The following RFTN1 variants were observed in gnomAD, a reference collection of about 807,000 sequenced individuals.
The protein encoded by RFTN1 is raftlin, lipid raft linker 1.
Under a neutral mutation model 46.5 loss-of-function variants are expected in RFTN1, and 26 were observed. The ratio of observed to expected loss-of-function variants is 0.56; its 90% confidence interval spans 0.41 to 0.78. RFTN1 has a LOEUF of 0.78. RFTN1 is among the 30% of genes least tolerant of loss of function. RFTN1 has a pLI of 0.00. For missense variants in RFTN1, 693 were observed against 718.7 expected, an observed-to-expected ratio of 0.96 and a Z score of 0.41; for synonymous variants, 261 against 284.2, an observed-to-expected ratio of 0.92 and a Z score of 0.82.
intron 6 of RFTN1, among the ~76,000 whole-genome samples, chr3:16,363,550 A>G (rs984166540): frequency 1.3e-5 from 2 of 152,272 alleles, no homozygotes; most frequent in African/African-American, 2.4e-5. Context: ...CTGTGAGGCA[A>G]CCACTCTTCT....
Position 16,377,741 on chromosome 3 carries a change from A to T in RFTN1, c.803T>A (p.Val268Glu). 8.1e-6 allele frequency: 13 copies of T among 1,597,488 alleles called. No homozygotes were observed. Among genetic ancestry groups the T allele is most frequent in the Non-Finnish European group, 1.1e-5 (13 of 1,166,910 alleles). The change falls in exon 5 of 10, where the codon GTG (valine) becomes GAG (glutamate). Residue 268 changes from valine to glutamate, a missense_variant. By Grantham distance (121) the Val-to-Glu change is moderately radical (BLOSUM62 -2). Transcript: ENST00000334133. ...LDGPESNPLE[V>E]HEEPLSGKME... ...ACTCCCTGAGAGTGGCTCTTCATGC[A>T]CCTCCAAGGGGTTGCTCTCCGGTCC...
chr3:16,363,157 T>C (rs1319371446), intron 6 of RFTN1, among the ~76,000 whole-genome samples: 1 of 152,218 alleles, frequency 6.6e-6, no homozygotes, highest in Non-Finnish European at 1.5e-5. Flanking sequence ...AAAAAGTCAA[T>C]GAACCAGAGA....
At position 16,452,313 on chromosome 3, in the gene RFTN1, T is replaced by C. The variant is rs1455280793; in HGVS notation, c.146-18276A>G. Among the ~76,000 whole-genome samples, 1 of 151,646 alleles carries C rather than the reference T, an allele frequency of 6.6e-6. No individual in the cohort carries two copies. The highest frequency in any genetic ancestry group is 1.5e-5 in the Non-Finnish European group (1 of 68,020). On this transcript the variant is annotated intron_variant, in intron 2 of 9. Transcript: ENST00000334133. This position sits in a 1 kb window ranked among gnomAD's most constrained non-coding sequence, Gnocchi z 6.3. Reference sequence around the variant, plus strand: ...CTGTCAAGGTAGATGAAGGTAAGGATATAATAGAAGGCGAAGGGAAAAGTA... The same window carrying C: ...CTGTCAAGGTAGATGAAGGTAAGGACATAATAGAAGGCGAAGGGAAAAGTA...
chr3:16,482,609 A>T, intron 2 of RFTN1: 1 of 790,088 alleles, frequency 1.3e-6, no homozygotes. Context: ...CCACGGGCAC[A>T]TTAGGTAACC....
At chr3:16,324,338 T>C (rs1268024264) in intron 8 of RFTN1, among the ~76,000 whole-genome samples, 7 of 152,320 alleles carry the variant, frequency 4.6e-5, no homozygotes, top group Non-Finnish European at 7.3e-5. Flanking sequence ...CAAGGCATTA[T>C]TGTTTATAAT....
rs1186236024 is a variant in RFTN1 at position 16,402,060 on chromosome 3, C to A, written c.441+7315G>T. ...GCCTTCTGGAATGTTCCCTGAGTGT[C>A]CCCCTGACCCCTCAAGTCTTCATAC... On this transcript the variant is annotated intron_variant, in intron 4 of 9. Transcript: ENST00000334133. The surrounding 1 kb of genome is among the most constrained non-coding windows in gnomAD (Gnocchi z 4.5). Among the ~76,000 whole-genome samples, 1 of 152,108 alleles carries A rather than the reference C, an allele frequency of 6.6e-6. No homozygotes were observed. Among genetic ancestry groups the A allele is most frequent in the Admixed American group, 6.5e-5 (1 of 15,268 alleles).
chr3:16,511,960 C>T (rs1006955223), intron 1 of RFTN1, among the ~76,000 whole-genome samples: 2 of 152,062 alleles, frequency 1.3e-5, no homozygotes, highest in African/African-American at 4.8e-5. Flanking sequence ...CAGAGGATGA[C>T]GTGCCAGCTC....
In RFTN1 at chr3:16,338,956, T is replaced by C. The variant is rs1223827502; in HGVS notation, c.1147-12080A>G. On this transcript the variant is annotated intron_variant, in intron 7 of 9. Coordinates refer to ENST00000334133, the MANE Select transcript of RFTN1 (RefSeq NM_015150.2). This position sits in a 1 kb window ranked among gnomAD's most constrained non-coding sequence, Gnocchi z 5.3. ...ATTCCTAACAGCTTACTGATAATCA[T>C]AAAATGCAAACCCAGAAGAGGTCTC... is the stretch of plus-strand genomic sequence containing the variant. Among the ~76,000 whole-genome samples the C allele has an allele frequency of 1.3e-5, 2 of 152,156 alleles. No individual in the cohort carries two copies. Among genetic ancestry groups the C allele is most frequent in the African/African-American group, 4.8e-5 (2 of 41,440 alleles).
chr3:16,477,793 C>T (rs2076306206), intron 2 of RFTN1, among the ~76,000 whole-genome samples: 1 of 152,238 alleles, frequency 6.6e-6, no homozygotes, highest in Non-Finnish European at 1.5e-5. Context: ...TGTCACAAAT[C>T]TTGACTTTCA....
At position 16,446,691 on chromosome 3, in the gene RFTN1, T is replaced by G. The variant is rs943215961; in HGVS notation, c.146-12654A>C. The stretch of plus-strand genomic sequence containing the variant: ...AAGACCATGGTTGTATACAAGACAG[T>G]GACTGGAAATCTCAACTCCAAACAG... On this transcript the variant is annotated intron_variant, in intron 2 of 9. Coordinates refer to ENST00000334133, the MANE Select transcript of RFTN1 (RefSeq NM_015150.2). The surrounding 1 kb of genome is among the most constrained non-coding windows in gnomAD (Gnocchi z 4.5). Among the ~76,000 whole-genome samples the G allele has an allele frequency of 6.6e-6, 1 of 152,176 alleles. No individual in the cohort carries two copies. Among genetic ancestry groups the G allele is most frequent in the Non-Finnish European group, 1.5e-5 (1 of 68,034 alleles).
In RFTN1 at chr3:16,433,761, A is replaced by G; in HGVS notation, c.332+90T>C. 2.2e-6 allele frequency: 3 copies of G among 1,391,998 alleles called. No individual in the cohort carries two copies. Among genetic ancestry groups the G allele is most frequent in the East Asian group, 2.3e-5 (1 of 43,796 alleles). The allele number at this position is 1,391,998 out of a possible 1,614,324, so 86.2% of individuals were successfully genotyped here. A position where few individuals can be genotyped will look rare whatever the true frequency, so the allele number is the denominator to read the frequency against. ...CCCTGAGGACAGCATGCAAATTTCA[A>G]CCCCCAACCCCATCCTCTCACTTCC... On this transcript the variant is annotated intron_variant, in intron 3 of 9. Coordinates refer to ENST00000334133, the MANE Select transcript of RFTN1 (RefSeq NM_015150.2). The surrounding 1 kb of genome is among the most constrained non-coding windows in gnomAD (Gnocchi z 4.4).
At chr3:16,362,586 G>A (rs1052297819) in intron 6 of RFTN1, among the ~76,000 whole-genome samples, 1 of 152,094 alleles carries the variant, frequency 6.6e-6, no homozygotes, top group African/African-American at 2.4e-5. Context: ...GCATGCTTGA[G>A]ACCAGAAGAC....
At chr3:16,364,020 C>T (rs1269099802) in intron 6 of RFTN1, among the ~76,000 whole-genome samples, 1 of 152,236 alleles carries the variant, frequency 6.6e-6, no homozygotes, top group Non-Finnish European at 1.5e-5. Flanking sequence ...GCTCTATTAA[C>T]CAAAGAATGA....
chr3:16,504,496 G>A lies in RFTN1; in HGVS notation c.-9+8946C>T, dbSNP rs1433447870. ...GTGCCTCAAGCTAGTAGTTAGCGTGGTATCTGACAGATGTTAAGTATTGCT... is the reference window on the plus strand; with the variant it reads ...GTGCCTCAAGCTAGTAGTTAGCGTGATATCTGACAGATGTTAAGTATTGCT... On this transcript the variant is annotated intron_variant, in intron 1 of 9. Coordinates refer to ENST00000334133, the MANE Select transcript of RFTN1 (RefSeq NM_015150.2). This position sits in a 1 kb window ranked among gnomAD's most constrained non-coding sequence, Gnocchi z 4.4. Among the ~76,000 whole-genome samples, 1 of 152,200 alleles carries A rather than the reference G, an allele frequency of 6.6e-6. No homozygotes were observed. Among genetic ancestry groups the A allele is most frequent in the African/African-American group, 2.4e-5 (1 of 41,446 alleles).
chr3:16,321,539 G>A lies in RFTN1; in HGVS notation c.1332+1837C>T, dbSNP rs1468481552. 2.0e-5 allele frequency among the ~76,000 whole-genome samples: 3 copies of A among 152,152 alleles called. No homozygotes were observed. Among genetic ancestry groups the A allele is most frequent in the Non-Finnish European group, 2.9e-5 (2 of 68,016 alleles). ...TGACCCTTGTCAGCTGAGGAGTGAG[G>A]AGGGGACACCCAGTGCAGAAGATTC... is the stretch of plus-strand genomic sequence containing the variant. On this transcript the variant is annotated intron_variant, in intron 9 of 9. Transcript: ENST00000334133. This position sits in a 1 kb window ranked among gnomAD's most constrained non-coding sequence, Gnocchi z 4.8.
chr3:16,357,133 A>C (rs150510897), intron 7 of RFTN1, among the ~76,000 whole-genome samples: 2,914 of 139,492 alleles, frequency 0.021, 93 homozygotes, highest in African/African-American at 0.08. Context: ...AAAAAACAAA[A>C]AAACAAACAA....
intron 5 of RFTN1, among the ~76,000 whole-genome samples, chr3:16,371,222 T>G (rs2073484866): frequency 1.3e-5 from 2 of 152,218 alleles, no homozygotes; most frequent in African/African-American, 4.8e-5. Flanking sequence ...AGCAAGAATT[T>G]AAAGGTCATA....
Position 16,337,656 on chromosome 3 carries a change from C to T in RFTN1, c.1147-10780G>A, listed in dbSNP as rs756908335. On this transcript the variant is annotated intron_variant, in intron 7 of 9. Coordinates refer to ENST00000334133, the MANE Select transcript of RFTN1 (RefSeq NM_015150.2). This position sits in a 1 kb window ranked among gnomAD's most constrained non-coding sequence, Gnocchi z 5.0. Reference sequence around the variant, plus strand: ...ACTCGGGAGGCTGAGGCAGGAGAATCGCTTGAACCCAGGAGGCGGAGGTTG... The same window carrying T: ...ACTCGGGAGGCTGAGGCAGGAGAATTGCTTGAACCCAGGAGGCGGAGGTTG... Among the ~76,000 whole-genome samples the T allele has an allele frequency of 8.0e-5, 12 of 150,812 alleles. No individual in the cohort carries two copies. The highest frequency in any genetic ancestry group is 2.7e-4 in the African/African-American group (11 of 40,868).
At position 16,316,841 on chromosome 3, in the gene RFTN1, A is replaced by T. The variant is rs748104048; in HGVS notation, c.1724T>A (p.Val575Asp). The T allele has an allele frequency of 6.2e-7, 1 of 1,613,802 alleles. No individual in the cohort carries two copies. The highest frequency in any genetic ancestry group is 1.7e-5 in the Admixed American group (1 of 59,980). The change falls in exon 10 of 10, where the codon GTT becomes GAT. Residue 575 changes from valine to aspartate, a missense_variant. Val to Asp is a radical substitution (Grantham distance 152, BLOSUM62 -3). Transcript: ENST00000334133. This position sits in a 1 kb window ranked among gnomAD's most constrained non-coding sequence, Gnocchi z 4.5. ...DAEEVRELGT[V>D]EEN ...ATTGCCCAAGACTCAGTTTTCTTCA[A>T]CCGTACCAAGCTCTCTGACTTCCTC...
Sources: allele counts gnomAD v4.1 joint callset (sites outside exome capture counted in the v4.1 genomes callset), GRCh38; gene constraint gnomAD v4.1.1; non-coding constraint Gnocchi (gnomAD v3.1); transcripts MANE v1.5; gene names NCBI Gene and HGNC (gene_info 2026-07-23, HGNC 2026-07-21).